The following PRKCE variants were observed in gnomAD, a reference collection of about 807,000 sequenced individuals.
PRKCE encodes the protein protein kinase C epsilon, also known as protein kinase C epsilon type.
A neutral mutation model predicts 85.4 loss-of-function variants in PRKCE; 16 were observed. The observed-to-expected ratio is 0.19, with a 90% CI of 0.13 to 0.28. PRKCE has a LOEUF of 0.28. Ranked by LOEUF, PRKCE falls within the 10% of genes least tolerant of loss-of-function variation. The pLI is 1.00. For missense variants in PRKCE, 573 were observed against 975.2 expected (o/e 0.59, Z 5.49); for synonymous variants, 388 against 371.5 (o/e 1.04, Z -0.51).
At chr2:46,113,906 G>C (rs893319286) in intron 11 of PRKCE, among the ~76,000 whole-genome samples, 1 of 152,132 alleles carries the variant, frequency 6.6e-6, no homozygotes, top group African/African-American at 2.4e-5. Context: ...ATAGATGATT[G>C]GGCTTTGTCT....
At chr2:45,689,643 C>A (rs564067731) in intron 1 of PRKCE, among the ~76,000 whole-genome samples, 7 of 152,022 alleles carry the variant, frequency 4.6e-5, no homozygotes, top group South Asian at 4.2e-4. Context: ...GGTGTGGTGG[C>A]TCACTTCTGT....
At chr2:45,981,159 G>T (rs946536001) in intron 5 of PRKCE, among the ~76,000 whole-genome samples, 8 of 152,188 alleles carry the variant, frequency 5.3e-5, no homozygotes, top group African/African-American at 1.9e-4. Flanking sequence ...ACCTAACTGA[G>T]CAATTACGAG....
chr2:45,856,770 T>G (rs1420348311), intron 2 of PRKCE, among the ~76,000 whole-genome samples: 1 of 152,230 alleles, frequency 6.6e-6, no homozygotes, highest in Non-Finnish European at 1.5e-5. Context: ...AGATCAACTT[T>G]TTAAGATTCC....
In PRKCE at chr2:46,096,379, G is replaced by A. The variant is rs150697236; in HGVS notation, c.1592+10017G>A. ...ACAGTTCTGGAGTCAGAAAGTGAAT[G>A]GACTGAATCATGCCCCCAACCCCCA... On this transcript the variant is annotated intron_variant, in intron 11 of 14. Coordinates refer to ENST00000306156, the MANE Select transcript of PRKCE (RefSeq NM_005400.3). Among the ~76,000 whole-genome samples the A allele has an allele frequency of 6.2e-4, 94 of 152,256 alleles. No homozygotes were observed. In the East Asian group the frequency reaches 8.7e-3, roughly 14 times the overall value.
chr2:45,705,708 T>G (rs189905287), intron 1 of PRKCE, among the ~76,000 whole-genome samples: 146 of 152,376 alleles, frequency 9.6e-4, no homozygotes, highest in Non-Finnish European at 1.7e-3. Flanking sequence ...TGAATATCCC[T>G]GAGTGTCCTT....
intron 6 of PRKCE, among the ~76,000 whole-genome samples, chr2:45,993,931 C>T (rs1704016062): frequency 1.3e-5 from 2 of 152,058 alleles, no homozygotes; most frequent in African/African-American, 4.8e-5. Flanking sequence ...AGCCACCCTG[C>T]CACCACCTCA....
intron 10 of PRKCE, among the ~76,000 whole-genome samples, chr2:46,023,338 G>A (rs1389304875): frequency 6.6e-6 from 1 of 152,160 alleles, no homozygotes; most frequent in African/African-American, 2.4e-5. Flanking sequence ...TAACAACAGC[G>A]ATGGGCCAAC....
At chr2:45,853,957 G>A (rs1382874443) in intron 2 of PRKCE, among the ~76,000 whole-genome samples, 1 of 152,076 alleles carries the variant, frequency 6.6e-6, no homozygotes. Flanking sequence ...CCACCTCCTG[G>A]GAGCCTTCCC....
chr2:45,845,671 T>C (rs1398564182), intron 2 of PRKCE: 3 of 152,220 alleles, frequency 2.0e-5, no homozygotes, highest in African/African-American at 7.2e-5. Flanking sequence ...TTCTTGCTCA[T>C]ATGCTGTTAG....
At position 45,907,273 on chromosome 2, in the gene PRKCE, G is replaced by A. The variant is rs1322184722; in HGVS notation, c.412+64210G>A. On this transcript the variant is annotated intron_variant, in intron 2 of 14. Transcript: ENST00000306156. The surrounding 1 kb of genome is among the most constrained non-coding windows in gnomAD (Gnocchi z 4.5). ...TTTAAGTGGACTGGCAGTTGGCAAA[G>A]GAAAAAATAAATCAGCCCCCTATTG... 6.6e-6 allele frequency among the ~76,000 whole-genome samples: 1 copy of A among 152,160 alleles called. No homozygotes were observed. Among genetic ancestry groups the A allele is most frequent in the African/African-American group, 2.4e-5 (1 of 41,442 alleles).
intron 1 of PRKCE, among the ~76,000 whole-genome samples, chr2:45,706,742 C>T (rs1329450820): frequency 1.3e-5 from 2 of 152,202 alleles, no homozygotes; most frequent in Non-Finnish European, 2.9e-5. Context: ...GAACCCCTGT[C>T]TTCTGTGTGT....
chr2:46,035,959 A>G (rs1707831161), intron 10 of PRKCE, among the ~76,000 whole-genome samples: 2 of 152,210 alleles, frequency 1.3e-5, no homozygotes, highest in African/African-American at 4.8e-5. Context: ...GTGATAACAA[A>G]TGAGACTGCA....
chr2:45,974,814 A>T (rs1399961501), intron 2 of PRKCE, among the ~76,000 whole-genome samples: 1 of 152,086 alleles, frequency 6.6e-6, no homozygotes, highest in Non-Finnish European at 1.5e-5. Flanking sequence ...GCCTGGAGAT[A>T]TTTGGGGGCA....
chr2:46,055,238 C>G (rs748950970), intron 10 of PRKCE, among the ~76,000 whole-genome samples: 7 of 152,234 alleles, frequency 4.6e-5, no homozygotes, highest in African/African-American at 9.6e-5. Flanking sequence ...TTAGATGCTG[C>G]CACGGGGCCC....
At chr2:45,738,288 A>G (rs966318966) in intron 1 of PRKCE, among the ~76,000 whole-genome samples, 3 of 152,206 alleles carry the variant, frequency 2.0e-5, no homozygotes, top group African/African-American at 7.2e-5. Flanking sequence ...AGAGCCTTTT[A>G]TGGCATTTAC....
intron 10 of PRKCE, among the ~76,000 whole-genome samples, chr2:46,045,160 A>G (rs1018369048): frequency 6.6e-6 from 1 of 152,206 alleles, no homozygotes; most frequent in Non-Finnish European, 1.5e-5. Context: ...GGTATACCAC[A>G]TATAGCAAAA....
At chr2:45,763,856 T>A (rs1012346604) in intron 1 of PRKCE, among the ~76,000 whole-genome samples, 3 of 152,196 alleles carry the variant, frequency 2.0e-5, no homozygotes, top group African/African-American at 7.2e-5. Context: ...CCAAGCCGAA[T>A]TGAACAGATT....
At chr2:45,929,182 A>G (rs1213126315) in intron 2 of PRKCE, among the ~76,000 whole-genome samples, 1 of 152,176 alleles carries the variant, frequency 6.6e-6, no homozygotes, top group Non-Finnish European at 1.5e-5. Flanking sequence ...TCAATCTACC[A>G]GTGAAATGAA....
At chr2:45,808,882 G>A (rs188940016) in intron 1 of PRKCE, among the ~76,000 whole-genome samples, 7 of 152,236 alleles carry the variant, frequency 4.6e-5, no homozygotes, top group African/African-American at 1.7e-4. Flanking sequence ...AACAATACCT[G>A]GGATGGGCAT....
Sources: gnomAD v4.1 joint callset for allele counts (sites outside exome capture counted in the v4.1 genomes callset) on GRCh38, gnomAD v4.1.1 for gene constraint, Gnocchi (gnomAD v3.1) non-coding constraint, MANE v1.5 for transcripts, NCBI Gene and HGNC (gene_info 2026-07-23, HGNC 2026-07-21) for gene names.